The following NCAPG variants were observed in gnomAD, a reference collection of about 807,000 sequenced individuals.
NCAPG encodes the protein non-SMC condensin I complex subunit G.
A neutral mutation model predicts 113.1 loss-of-function variants in NCAPG; 69 were observed. The observed-to-expected ratio is 0.61, with a 90% CI of 0.50 to 0.75. The LOEUF (loss-of-function observed/expected upper bound fraction) is 0.75, where lower values mean the gene tolerates loss of function less well. Ranked by LOEUF, NCAPG falls within the 30% of genes least tolerant of loss-of-function variation. The pLI, the probability that NCAPG is intolerant of heterozygous loss-of-function variation, is 0.00. For missense variants in NCAPG, 1,058 were observed against 1,177.0 expected (o/e 0.90, Z 1.48); for synonymous variants, 370 against 415.8 (o/e 0.89, Z 1.34).
chr4:17,842,888 C>CT (rs894846592), intron 20 of NCAPG: 61 of 161,514 alleles, frequency 3.8e-4, no homozygotes, highest in African/African-American at 1.3e-3. Flanking sequence ...TTAAATTTGT[C>CT]TTTTTTGGGG....
intron 20 of NCAPG, 64 bp downstream of exon 20, chr4:17,842,443 A>AT: frequency 7.4e-7 from 1 of 1,350,016 alleles, no homozygotes; most frequent in Non-Finnish European, 1.1e-6. Context: ...ACAAGTAGAA[A>AT]AAAACTAATT....
At chr4:17,827,515 A>G (rs754875174) in intron 11 of NCAPG, among the ~76,000 whole-genome samples, 6 of 152,166 alleles carry the variant, frequency 3.9e-5, no homozygotes, top group Middle Eastern at 3.2e-3. Flanking sequence ...AGTAACGGAG[A>G]AAAGGGAGTC....
chr4:17,831,605 T>C (rs1257584174), intron 13 of NCAPG, among the ~76,000 whole-genome samples: 1 of 152,054 alleles, frequency 6.6e-6, no homozygotes, highest in Non-Finnish European at 1.5e-5. Context: ...TTTGAGCAAA[T>C]ACCAGAAGGA....
At chr4:17,819,901 C>T (rs1010578895) in intron 7 of NCAPG, among the ~76,000 whole-genome samples, 1 of 152,122 alleles carries the variant, frequency 6.6e-6, no homozygotes, top group African/African-American at 2.4e-5. Flanking sequence ...GAAACTATAG[C>T]TCAAGCCCAT....
chr4:17,812,780 G>A, intron 2 of NCAPG, 137 bp from the exon 3 acceptor site: 1 of 699,298 alleles, frequency 1.4e-6, no homozygotes, highest in Non-Finnish European at 2.4e-6. Context: ...ATGGACCAAG[G>A]TAGCATTATA....
At chr4:17,815,601 T>A (rs1721168853) in intron 5 of NCAPG, among the ~76,000 whole-genome samples, 1 of 152,224 alleles carries the variant, frequency 6.6e-6, no homozygotes, top group Non-Finnish European at 1.5e-5. Flanking sequence ...CTTGGCTCAC[T>A]GCAACCTCTG....
At position 17,844,506 on chromosome 4, in the gene NCAPG, C is replaced by CTT. The variant is rs936524851; in HGVS notation, c.*1082_*1083dup. 3.3e-5 allele frequency: 5 copies of CTT among 152,234 alleles called. No homozygotes were observed. The highest frequency in any genetic ancestry group is 9.7e-5 in the African/African-American group (4 of 41,356). 9.4% of individuals were successfully genotyped at this position (152,234 alleles called of 1,614,324 possible). A position where few individuals can be genotyped will look rare whatever the true frequency, so the allele number is the denominator to read the frequency against. On this transcript the variant is annotated 3_prime_UTR_variant, in exon 21 of 21. Coordinates refer to ENST00000251496, the MANE Select transcript of NCAPG (RefSeq NM_022346.5). ...TGCTATACATATGTGCCTCATAGAA[C>CTT]TTATAAAAGGAGTCAAAGTTTCAAA...
chr4:17,826,092 G>C (rs78490093), intron 11 of NCAPG, among the ~76,000 whole-genome samples: 18,632 of 151,930 alleles, frequency 0.12, 1,245 homozygotes, highest in South Asian at 0.24. Context: ...TCAGTAGTTC[G>C]TTTTTTAAAA....
At position 17,844,788 on chromosome 4, in the gene NCAPG, A is replaced by G. The variant is rs1722764332; in HGVS notation, c.*1363A>G. The G allele has an allele frequency of 6.6e-6, 1 of 152,434 alleles. No homozygotes were observed. The allele number at this position is 152,434 out of a possible 1,614,324, so 9.4% of individuals were successfully genotyped here. A position where few individuals can be genotyped will look rare whatever the true frequency, so the allele number is the denominator to read the frequency against. On this transcript the variant is annotated 3_prime_UTR_variant, in exon 21 of 21. Transcript: ENST00000251496. ...ACATGGCCAGGCTATCCAAAAAGAA[A>G]GGAGCCATGTTCTCATGTGGTTTAC...
Position 17,817,377 on chromosome 4 carries a change from G to T in NCAPG, c.892G>T (p.Val298Phe). Reference sequence around the variant, plus strand: ...TGTAGAAAATTCTTCTGAAGTGGCAGTCTCTGTTCTCAATGCCTTGTTTTC... The same window carrying T: ...TGTAGAAAATTCTTCTGAAGTGGCATTCTCTGTTCTCAATGCCTTGTTTTC... The part of the protein sequence containing the change: ...LDVENSSEVA[V>F]SVLNALFSIT... Residue 298 changes from valine to phenylalanine, a missense_variant, in exon 6 of 21, where the codon GTC (valine) becomes TTC (phenylalanine). By Grantham distance (50) the Val-to-Phe change is conservative. Coordinates refer to ENST00000251496, the MANE Select transcript of NCAPG (RefSeq NM_022346.5). 1 of 1,614,118 alleles carries T rather than the reference G, an allele frequency of 6.2e-7. No homozygotes were observed. Among genetic ancestry groups the T allele is most frequent in the African/African-American group, 1.3e-5 (1 of 75,044 alleles).
At position 17,825,064 on chromosome 4, in the gene NCAPG, C is replaced by A; in HGVS notation, c.1473+7C>A. The A allele has an allele frequency of 6.2e-7, 1 of 1,603,652 alleles. No homozygotes were observed. Among genetic ancestry groups the A allele is most frequent in the Non-Finnish European group, 8.5e-7 (1 of 1,172,038 alleles). On this transcript the variant is annotated splice_region_variant and intron_variant, in intron 10 of 20. Transcript: ENST00000251496. ...AAGAAAGAAAGAACTCAAGGTAAGT[C>A]TCTTTTAAATGAAAGAAGTGCTTGA...
At position 17,834,536 on chromosome 4, in the gene NCAPG, C is replaced by T. The variant is rs763684868; in HGVS notation, c.2109+13C>T. 6.7e-7 allele frequency: 1 copy of T among 1,490,750 alleles called. No homozygotes were observed. The highest frequency in any genetic ancestry group is 9.1e-7 in the Non-Finnish European group (1 of 1,100,778). The allele number at this position is 1,490,750 out of a possible 1,614,324, so 92.3% of individuals were successfully genotyped here. A position where few individuals can be genotyped will look rare whatever the true frequency, so the allele number is the denominator to read the frequency against. ...CTTAGATAGTGAGGTAAGAAATAATCCAGTCCTGTGATTATGAAATGTCAT... is the reference window on the plus strand; with the variant it reads ...CTTAGATAGTGAGGTAAGAAATAATTCAGTCCTGTGATTATGAAATGTCAT... On this transcript the variant is annotated intron_variant, in intron 14 of 20. Coordinates refer to ENST00000251496, the MANE Select transcript of NCAPG (RefSeq NM_022346.5).
intron 7 of NCAPG, among the ~76,000 whole-genome samples, chr4:17,822,055 T>TA (rs2109050030): frequency 6.6e-6 from 1 of 152,174 alleles, no homozygotes; most frequent in East Asian, 1.9e-4. Context: ...GAAAGAATAA[T>TA]AAAAATTTGT....
chr4:17,833,485 T>TTTTG (rs1560230449), intron 13 of NCAPG, among the ~76,000 whole-genome samples: 4,895 of 148,282 alleles, frequency 0.033, 300 homozygotes, highest in African/African-American at 0.12. Context: ...TATATATATT[T>TTTTG]TTGTTGTTGT....
Position 17,811,137 on chromosome 4 carries a change from G to C in NCAPG, c.60G>C (p.Pro20=), listed in dbSNP as rs1448065149. The C allele has an allele frequency of 6.6e-7, 1 of 1,518,166 alleles. No homozygotes were observed. The allele number at this position is 1,518,166 out of a possible 1,614,324, so 94.0% of individuals were successfully genotyped here. Residue 20 remains proline (P), a synonymous_variant, in exon 1 of 21, where the codon CCG becomes CCC. Transcript: ENST00000251496. This position sits in a 1 kb window ranked among gnomAD's most constrained non-coding sequence, Gnocchi z 5.3. ...IKEAFRLAQQ[P]HQNQAKLVVA... is the part of the protein sequence containing the mutation. ...AGGCCTTTCGGCTGGCGCAGCAGCC[G>C]CACCAGAACCAGGCGAAGCTGGTGG...
Position 17,812,434 on chromosome 4 carries a change from A to G in NCAPG, c.315+10A>G, listed in dbSNP as rs1324009803. On this transcript the variant is annotated intron_variant, in intron 2 of 20. Transcript: ENST00000251496. Reference sequence around the variant, plus strand: ...TACTTTTCTCTTAAAGGTACTATGAAAATGATAGCTTTGGGGAGGGATTTT... The same window carrying G: ...TACTTTTCTCTTAAAGGTACTATGAGAATGATAGCTTTGGGGAGGGATTTT... 1 of 1,607,442 alleles carries G rather than the reference A, an allele frequency of 6.2e-7. No individual in the cohort carries two copies. The highest frequency in any genetic ancestry group is 1.7e-5 in the Admixed American group (1 of 59,870).
intron 20 of NCAPG, chr4:17,843,062 T>TAAC (rs1227212919): frequency 2.0e-5 from 6 of 296,140 alleles, no homozygotes; most frequent in Non-Finnish European, 3.2e-5. Context: ...TTTTCCTGTA[T>TAAC]AACACCAGGT....
intron 13 of NCAPG, among the ~76,000 whole-genome samples, chr4:17,833,461 A>C (rs574401851): frequency 2.4e-4 from 34 of 141,478 alleles, no homozygotes; most frequent in African/African-American, 9.0e-4. Flanking sequence ...TCCATCTCAA[A>C]AAAAAAAAAT....
At chr4:17,841,621 C>T (rs1218141937) in intron 19 of NCAPG, 1 of 151,842 alleles carries the variant, frequency 6.6e-6, no homozygotes, top group Non-Finnish European at 1.5e-5. Context: ...GTATATCACA[C>T]CATGAGAACA....
Sources: gnomAD v4.1 joint callset for allele counts (sites outside exome capture counted in the v4.1 genomes callset) on GRCh38, gnomAD v4.1.1 for gene constraint, Gnocchi (gnomAD v3.1) non-coding constraint, MANE v1.5 for transcripts, NCBI Gene and HGNC (gene_info 2026-07-23, HGNC 2026-07-21) for gene names.